The following PTPRG variants were observed in gnomAD, a reference collection of about 807,000 sequenced individuals.
The protein encoded by PTPRG is protein tyrosine phosphatase receptor type G.
A neutral mutation model predicts 165.3 loss-of-function variants in PTPRG; 102 were observed. The observed-to-expected ratio is 0.62, with a 90% confidence interval of 0.53 to 0.73. The LOEUF (loss-of-function observed/expected upper bound fraction) is 0.73. Among genes scored for constraint, PTPRG ranks in the 30% least tolerant of loss-of-function variants. PTPRG has a pLI of 0.00. For synonymous variants in PTPRG, 675 were observed against 669.5 expected (o/e 1.01, Z -0.13); for missense variants, 1,866 against 1,861.4 (o/e 1.00, Z -0.05).
chr3:61,778,110 C>T (rs1559606693), intron 2 of PTPRG, among the ~76,000 whole-genome samples: 1 of 152,104 alleles, frequency 6.6e-6, no homozygotes, highest in South Asian at 2.1e-4. Flanking sequence ...GTCTCAACTG[C>T]AAGTTATCCA....
chr3:61,864,415 C>T (rs773060753), intron 2 of PTPRG, among the ~76,000 whole-genome samples: 47 of 152,052 alleles, frequency 3.1e-4, no homozygotes, highest in Admixed American at 1.8e-3. Context: ...CCTTGTGTCC[C>T]GATCGCTGAG....
At chr3:61,942,822 T>C (rs1286088752) in intron 2 of PTPRG, among the ~76,000 whole-genome samples, 2 of 152,244 alleles carry the variant, frequency 1.3e-5, no homozygotes, top group East Asian at 1.9e-4. Context: ...ATAGAAAATA[T>C]AATTTTTATA....
intron 3 of PTPRG, among the ~76,000 whole-genome samples, chr3:61,996,278 G>T (rs2041038264): frequency 6.6e-6 from 1 of 152,102 alleles, no homozygotes; most frequent in Admixed American, 6.5e-5. Context: ...ATTTCTGGGA[G>T]GGTTTCAAAC....
chr3:61,702,560 A>G (rs1228614500), intron 1 of PTPRG, among the ~76,000 whole-genome samples: 1 of 152,236 alleles, frequency 6.6e-6, no homozygotes, highest in Non-Finnish European at 1.5e-5. Flanking sequence ...AAATTGTACA[A>G]ATCTGAAGTA....
intron 2 of PTPRG, among the ~76,000 whole-genome samples, chr3:61,834,744 T>C (rs2036411003): frequency 6.6e-6 from 1 of 151,956 alleles, no homozygotes; most frequent in South Asian, 2.1e-4. Context: ...ACCCAGGAGG[T>C]GGAGTTTGCA....
At chr3:62,123,013 C>G (rs1703136348) in intron 5 of PTPRG, among the ~76,000 whole-genome samples, 1 of 152,174 alleles carries the variant, frequency 6.6e-6, no homozygotes, top group South Asian at 2.1e-4. Context: ...CTACTCAGTT[C>G]TTGGCATACG....
rs1387071572 is a variant in PTPRG at position 62,228,161 on chromosome 3, GAGA to G, written c.2289-3061_2289-3059del. ...ACTCTGACCACAGCCAGGGTTAGGT[GAGA>G]AGGAGAGGGAGCCAAGAAGGATTTC... On this transcript the variant is annotated intron_variant, in intron 13 of 29. Coordinates refer to ENST00000474889, the MANE Select transcript of PTPRG (RefSeq NM_002841.4). This position sits in a 1 kb window ranked among gnomAD's most constrained non-coding sequence, Gnocchi z 4.1. Among the ~76,000 whole-genome samples, 1 of 152,122 alleles carries G rather than the reference GAGA, an allele frequency of 6.6e-6. No individual in the cohort carries two copies. Among genetic ancestry groups the G allele is most frequent in the Non-Finnish European group, 1.5e-5 (1 of 68,018 alleles).
At chr3:62,077,453 A>AT (rs962764653) in intron 4 of PTPRG, among the ~76,000 whole-genome samples, 1 of 151,812 alleles carries the variant, frequency 6.6e-6, no homozygotes, top group Non-Finnish European at 1.5e-5. Flanking sequence ...TTCTGCCCTA[A>AT]TTTTTTTTAC....
At chr3:62,067,469 A>T (rs1286348238) in intron 4 of PTPRG, among the ~76,000 whole-genome samples, 1 of 152,182 alleles carries the variant, frequency 6.6e-6, no homozygotes, top group Admixed American at 6.5e-5. Flanking sequence ...CGATGGTTTC[A>T]GGATGAGTCA....
intron 4 of PTPRG, among the ~76,000 whole-genome samples, chr3:62,040,483 C>G (rs1700091025): frequency 6.6e-6 from 1 of 152,206 alleles, no homozygotes; most frequent in Non-Finnish European, 1.5e-5. Context: ...AAGACAGAGT[C>G]TTACTCTGTT....
At chr3:62,143,208 A>C (rs1329793899) in intron 6 of PTPRG, among the ~76,000 whole-genome samples, 1 of 152,236 alleles carries the variant, frequency 6.6e-6, no homozygotes, top group Non-Finnish European at 1.5e-5. Context: ...CACCATTGTG[A>C]CTATCCTTGT....
At chr3:62,076,700 G>A (rs1701399583) in intron 4 of PTPRG, among the ~76,000 whole-genome samples, 1 of 151,792 alleles carries the variant, frequency 6.6e-6, no homozygotes, top group Admixed American at 6.6e-5. Flanking sequence ...TCCTGCCTCA[G>A]CCTCCCGAGT....
At chr3:61,603,267 G>T (rs1280494537) in intron 1 of PTPRG, among the ~76,000 whole-genome samples, 1 of 152,198 alleles carries the variant, frequency 6.6e-6, no homozygotes. Flanking sequence ...GCATGCTGGA[G>T]GTGGGGCCTG....
intron 5 of PTPRG, among the ~76,000 whole-genome samples, chr3:62,128,587 T>G (rs1703400376): frequency 6.6e-6 from 1 of 151,718 alleles, no homozygotes; most frequent in South Asian, 2.1e-4. Flanking sequence ...GTACTCAGCA[T>G]TATACTCTAA....
At chr3:61,748,851 CTCAT>C in intron 1 of PTPRG, 23 bp from the exon 2 acceptor site, 1 of 1,593,672 alleles carries the variant, frequency 6.3e-7, no homozygotes. Flanking sequence ...CTGCCTTTGT[CTCAT>C]TGTGGGTTTT....
intron 2 of PTPRG, among the ~76,000 whole-genome samples, chr3:61,752,353 T>G (rs2033465981): frequency 6.6e-6 from 1 of 152,162 alleles, no homozygotes; most frequent in East Asian, 1.9e-4. Context: ...ATGGCTGCTT[T>G]TGTGCTACAG....
At chr3:61,575,090 T>C (rs1700145383) in intron 1 of PTPRG, among the ~76,000 whole-genome samples, 1 of 152,200 alleles carries the variant, frequency 6.6e-6, no homozygotes, top group South Asian at 2.1e-4. Context: ...CGCATAACTT[T>C]AGCGTTAGAG....
chr3:61,895,485 C>T (rs1246246944), intron 2 of PTPRG, among the ~76,000 whole-genome samples: 5 of 152,092 alleles, frequency 3.3e-5, no homozygotes, highest in East Asian at 1.9e-4. Context: ...TCCAGGTTTC[C>T]GAGCTTGTAA....
intron 2 of PTPRG, among the ~76,000 whole-genome samples, chr3:61,929,039 C>A (rs953792628): frequency 2.0e-5 from 3 of 152,126 alleles, no homozygotes; most frequent in Non-Finnish European, 2.9e-5. Context: ...GGACAACCCC[C>A]ACAGCAAAGG....
Sources: allele counts gnomAD v4.1 joint callset (sites outside exome capture counted in the v4.1 genomes callset), GRCh38; gene constraint gnomAD v4.1.1; non-coding constraint Gnocchi (gnomAD v3.1); transcripts MANE v1.5; gene names NCBI Gene and HGNC (gene_info 2026-07-23, HGNC 2026-07-21).